The following VPS50 variants were observed in gnomAD, a reference collection of about 807,000 sequenced individuals.
The protein encoded by VPS50 is VPS50 subunit of EARP/GARPII complex.
VPS50 carries 70 observed loss-of-function variants against 139.7 expected under a neutral mutation model. The observed-to-expected ratio is 0.50, with a 90% CI of 0.41 to 0.61. The LOEUF (loss-of-function observed/expected upper bound fraction) is 0.61, where lower values mean the gene tolerates loss of function less well. VPS50 is among the 20% of genes least tolerant of loss of function. The pLI, the probability that VPS50 is intolerant of heterozygous loss-of-function variation, is 0.00. For missense variants in VPS50, 921 were observed against 1,133.7 expected (o/e 0.81, Z 2.69); for synonymous variants, 365 against 376.7 (o/e 0.97, Z 0.36).
chr7:93,250,898 C>T (rs562576787), intron 2 of VPS50, among the ~76,000 whole-genome samples: 1 of 152,278 alleles, frequency 6.6e-6, no homozygotes, highest in East Asian at 1.9e-4. Context: ...ACAGACACTT[C>T]TCAAAAGAAG....
Position 93,356,077 on chromosome 7 carries a change from C to T in VPS50, c.2772C>T (p.His924=). ...ENDMERWIKE[H]REYSTKQLTN... ...ACATGGAACGGTGGATCAAAGAGCACAGGGTGAGAGCTGGAAAATAGTTAA... is the reference window on the plus strand; with the variant it reads ...ACATGGAACGGTGGATCAAAGAGCATAGGGTGAGAGCTGGAAAATAGTTAA... Residue 924 remains histidine (H), a synonymous_variant, in exon 27 of 28, where the codon CAC becomes CAT. Transcript: ENST00000305866. 1 of 1,433,336 alleles carries T rather than the reference C, an allele frequency of 7.0e-7. No homozygotes were observed. Among genetic ancestry groups the T allele is most frequent in the Non-Finnish European group, 9.4e-7 (1 of 1,062,484 alleles). 88.8% of individuals were successfully genotyped at this position (1,433,336 alleles called of 1,614,324 possible). A position where few individuals can be genotyped will look rare whatever the true frequency, so the allele number is the denominator to read the frequency against.
chr7:93,315,837 T>G (rs1395587448), intron 20 of VPS50, among the ~76,000 whole-genome samples: 1 of 124,962 alleles, frequency 8.0e-6, no homozygotes, highest in Non-Finnish European at 1.7e-5. Context: ...GTCCACCAGA[T>G]TTTTTTTTTT....
At chr7:93,320,578 GTCTC>G (rs1204612943) in intron 20 of VPS50, 2 of 101,876 alleles carry the variant, frequency 2.0e-5, no homozygotes, top group African/African-American at 2.2e-4. Flanking sequence ...AGCGGGGATG[GTCTC>G]TATCTATCTC....
chr7:93,295,021 G>A (rs1796767401), intron 14 of VPS50, among the ~76,000 whole-genome samples: 1 of 151,974 alleles, frequency 6.6e-6, no homozygotes, highest in Non-Finnish European at 1.5e-5. Flanking sequence ...TAAGTAGATA[G>A]CATACTTAGG....
At chr7:93,297,009 G>T in intron 15 of VPS50, 136 bp from the exon 16 acceptor site, 1 of 1,446,768 alleles carries the variant, frequency 6.9e-7, no homozygotes, top group Non-Finnish European at 9.0e-7. Context: ...AAACCTTTAT[G>T]GATTTGTGAT....
chr7:93,331,952 A>G (rs895402004), intron 21 of VPS50, among the ~76,000 whole-genome samples: 3 of 152,254 alleles, frequency 2.0e-5, no homozygotes, highest in East Asian at 3.8e-4. Context: ...AGAATGGCTA[A>G]TTAGCACATG....
intron 20 of VPS50, among the ~76,000 whole-genome samples, chr7:93,323,017 G>A (rs963215067): frequency 6.6e-6 from 1 of 152,160 alleles, no homozygotes; most frequent in African/African-American, 2.4e-5. Context: ...TGGATATTGA[G>A]CTCTTGAATG....
intron 5 of VPS50, 81 bp downstream of exon 5, chr7:93,256,643 A>G: frequency 1.3e-6 from 1 of 748,642 alleles, no homozygotes; most frequent in Non-Finnish European, 2.2e-6. Flanking sequence ...AAAATATTGT[A>G]TTTTTTGTCA....
chr7:93,317,360 G>A (rs946151316), intron 20 of VPS50, among the ~76,000 whole-genome samples: 24 of 152,068 alleles, frequency 1.6e-4, no homozygotes, highest in African/African-American at 5.3e-4. Flanking sequence ...GAGCAGCCTG[G>A]CCAACATAGC....
intron 16 of VPS50, among the ~76,000 whole-genome samples, chr7:93,299,821 A>T (rs760415641): frequency 2.6e-5 from 4 of 152,134 alleles, no homozygotes; most frequent in Non-Finnish European, 5.9e-5. Context: ...TCAGGTACTA[A>T]GTTTATATAC....
chr7:93,286,996 T>G (rs909820755), intron 12 of VPS50, among the ~76,000 whole-genome samples: 18 of 122,914 alleles, frequency 1.5e-4, no homozygotes, highest in Admixed American at 2.3e-4. Context: ...AAACGTTGTT[T>G]TTTTTTTTTT....
chr7:93,276,122 T>G (rs753808545), intron 11 of VPS50, 43 bp from the exon 12 acceptor site: 7 of 1,496,470 alleles, frequency 4.7e-6, no homozygotes, highest in Non-Finnish European at 6.3e-6. Flanking sequence ...TTTATTTATT[T>G]TAATAATGTG....
chr7:93,234,939 T>TA (rs11289729), intron 1 of VPS50, among the ~76,000 whole-genome samples: 13,168 of 144,654 alleles, frequency 0.091, 900 homozygotes, highest in African/African-American at 0.2. Flanking sequence ...CTATTCTAAG[T>TA]AAAAAAAAAA....
At position 93,355,959 on chromosome 7, in the gene VPS50, T is replaced by C. The variant is rs1178818446; in HGVS notation, c.2654T>C (p.Leu885Ser). The stretch of plus-strand genomic sequence containing the variant: ...ATGCAATTGGATTTTCAACAGTTTT[T>C]AATGAAACTTGAAAAACTAACAGAT... ...ALMQLDFQQF[L>S]MKLEKLTDIR... The change falls in exon 27 of 28, where the codon TTA (leucine) becomes TCA (serine). Residue 885 changes from leucine (L) to serine (S), a missense_variant. Around this residue, in one of 3 missense-constraint regions of VPS50, gnomAD observed 158 missense variants for 156.3 expected, o/e 1.01. Transcript: ENST00000305866. 2 of 1,603,952 alleles carry C rather than the reference T, an allele frequency of 1.2e-6. No homozygotes were observed. Among genetic ancestry groups the C allele is most frequent in the Non-Finnish European group, 1.7e-6 (2 of 1,172,360 alleles).
At chr7:93,270,178 C>A (rs1248601728) in intron 9 of VPS50, among the ~76,000 whole-genome samples, 1 of 151,342 alleles carries the variant, frequency 6.6e-6, no homozygotes, top group African/African-American at 2.4e-5. Flanking sequence ...GATTCAATCA[C>A]GTGTCCTAAG....
At chr7:93,266,699 A>T (rs930409402) in intron 9 of VPS50, among the ~76,000 whole-genome samples, 1 of 152,164 alleles carries the variant, frequency 6.6e-6, no homozygotes, top group South Asian at 2.1e-4. Context: ...ATAATGTTGC[A>T]TTTATTTATC....
chr7:93,330,020 C>T (rs1017393566), intron 21 of VPS50, among the ~76,000 whole-genome samples: 2 of 151,936 alleles, frequency 1.3e-5, no homozygotes, highest in Non-Finnish European at 2.9e-5. Context: ...TTTTCTTTTT[C>T]CACTTTCTTT....
intron 20 of VPS50, among the ~76,000 whole-genome samples, chr7:93,317,183 A>T (rs1797453335): frequency 6.6e-6 from 1 of 152,180 alleles, no homozygotes; most frequent in Non-Finnish European, 1.5e-5. Flanking sequence ...TGCTTTATTC[A>T]TCTTTTATGG....
chr7:93,257,123 G>A (rs1795510682), intron 5 of VPS50, among the ~76,000 whole-genome samples: 1 of 152,034 alleles, frequency 6.6e-6, no homozygotes, highest in Admixed American at 6.5e-5. Context: ...GTTTATTCCT[G>A]TCTACAAGAA....
Sources: allele counts gnomAD v4.1 joint callset (sites outside exome capture counted in the v4.1 genomes callset), GRCh38; gene constraint gnomAD v4.1.1; regional missense constraint gnomAD v4.1.1; transcripts MANE v1.5; gene names NCBI Gene and HGNC (gene_info 2026-07-23, HGNC 2026-07-21).